OPCML: variants seen among roughly 807,000 people sequenced by gnomAD.
OPCML encodes the protein opioid-binding protein/cell adhesion molecule.
Under a neutral mutation model 37.8 loss-of-function variants are expected in OPCML, and 13 were observed. The ratio of observed to expected loss-of-function variants is 0.34; its 90% confidence interval spans 0.22 to 0.55. OPCML has a LOEUF of 0.55. Ranked by LOEUF, OPCML falls within the 20% of genes least tolerant of loss-of-function variation. The pLI, the probability that OPCML is intolerant of heterozygous loss-of-function variation, is 0.91. For synonymous variants in OPCML, 176 were observed against 168.8 expected, an observed-to-expected ratio of 1.04 and a Z score of -0.33; for missense variants, 341 against 435.6, an observed-to-expected ratio of 0.78 and a Z score of 1.93.
intron 1 of OPCML, among the ~76,000 whole-genome samples, chr11:133,239,642 G>T (rs1254129689): frequency 6.6e-6 from 1 of 152,218 alleles, no homozygotes; most frequent in East Asian, 1.9e-4. Flanking sequence ...TTGCCCACCA[G>T]GTGCAAAGCC....
chr11:133,381,879 G>A (rs1163276069), intron 1 of OPCML, among the ~76,000 whole-genome samples: 1 of 152,190 alleles, frequency 6.6e-6, no homozygotes, highest in Non-Finnish European at 1.5e-5. Context: ...AAAAGACACT[G>A]TAGTCTGGGA....
chr11:132,755,383 A>G (rs988502917), intron 2 of OPCML, among the ~76,000 whole-genome samples: 17 of 152,156 alleles, frequency 1.1e-4, no homozygotes, highest in Admixed American at 2.6e-4. Context: ...TACATCACCC[A>G]ATACTCAGCT....
At chr11:132,756,492 C>T (rs1016758649) in intron 2 of OPCML, among the ~76,000 whole-genome samples, 3 of 152,160 alleles carry the variant, frequency 2.0e-5, no homozygotes, top group Non-Finnish European at 4.4e-5. Context: ...CCATGTTGCT[C>T]CTAGGTGCGA....
At chr11:132,727,799 G>C (rs3016397) in intron 2 of OPCML, among the ~76,000 whole-genome samples, 48,179 of 152,114 alleles carry the variant, frequency 0.32, 7,784 homozygotes, top group Admixed American at 0.36. Context: ...AGGAGGATTA[G>C]TTCCCTATTC....
intron 2 of OPCML, among the ~76,000 whole-genome samples, chr11:132,712,891 C>A (rs961473234): frequency 2.6e-5 from 4 of 152,174 alleles, no homozygotes; most frequent in African/African-American, 9.7e-5. Flanking sequence ...CTTTTGCTAG[C>A]CCACGTCGGC....
At chr11:133,312,741 T>A (rs1254266776) in intron 1 of OPCML, among the ~76,000 whole-genome samples, 1 of 152,224 alleles carries the variant, frequency 6.6e-6, no homozygotes, top group African/African-American at 2.4e-5. Flanking sequence ...ATAGAGTTTT[T>A]TAAAAAGTTC....
chr11:133,333,970 G>T (rs548723483), intron 1 of OPCML, among the ~76,000 whole-genome samples: 8 of 152,172 alleles, frequency 5.3e-5, no homozygotes, highest in Non-Finnish European at 1.2e-4. Context: ...CAGAATGGCT[G>T]TTTATAATAA....
chr11:133,034,792 C>G (rs1014255591), intron 1 of OPCML, among the ~76,000 whole-genome samples: 2 of 148,682 alleles, frequency 1.3e-5, no homozygotes, highest in African/African-American at 5.0e-5. Context: ...GGAACAAGTA[C>G]TAAGCCTATA....
chr11:132,820,095 GAA>G (rs528052447), intron 2 of OPCML, among the ~76,000 whole-genome samples: 74 of 45,810 alleles, frequency 1.6e-3, no homozygotes, highest in East Asian at 7.9e-3. Flanking sequence ...ATGAATGAAT[GAA>G]TGAATGAAAG....
chr11:132,923,927 C>T (rs1380790581), intron 2 of OPCML, among the ~76,000 whole-genome samples: 1 of 151,884 alleles, frequency 6.6e-6, no homozygotes, highest in Non-Finnish European at 1.5e-5. Flanking sequence ...CTACGCCCAG[C>T]TAATTTTGTA....
At position 132,597,710 on chromosome 11, in the gene OPCML, G is replaced by T. The variant is rs185475758; in HGVS notation, c.379+59377C>A. ...AACAGGGAAGGCAGGGCTTGACCAC[G>T]GCTGATCCTCTAGAGCAGATGGCTT... On this transcript the variant is annotated intron_variant, in intron 3 of 7. Transcript: ENST00000524381. 2.6e-5 allele frequency among the ~76,000 whole-genome samples: 4 copies of T among 152,220 alleles called. No individual in the cohort carries two copies. The East Asian group carries it at 7.7e-4, about 29-fold the overall frequency.
chr11:133,068,462 C>T (rs1948474113), intron 1 of OPCML, among the ~76,000 whole-genome samples: 2 of 152,376 alleles, frequency 1.3e-5, no homozygotes, highest in South Asian at 4.1e-4. Flanking sequence ...CGCTGCCCTT[C>T]TTCCAGTACA....
intron 4 of OPCML, among the ~76,000 whole-genome samples, chr11:132,516,548 C>T (rs547635985): frequency 6.6e-6 from 1 of 152,144 alleles, no homozygotes; most frequent in Non-Finnish European, 1.5e-5. Flanking sequence ...CCCCAGGTAC[C>T]ATACCTGCTC....
chr11:132,546,448 C>G (rs766102285), intron 3 of OPCML, among the ~76,000 whole-genome samples: 1 of 152,172 alleles, frequency 6.6e-6, no homozygotes, highest in Non-Finnish European at 1.5e-5. Flanking sequence ...CCCTTTCCCC[C>G]GTGTCCCCAA....
chr11:133,014,169 C>T (rs1441921362), intron 1 of OPCML, among the ~76,000 whole-genome samples: 1 of 152,180 alleles, frequency 6.6e-6, no homozygotes, highest in African/African-American at 2.4e-5. Context: ...GAATCAAAGT[C>T]CTTTCCCATT....
chr11:133,005,036 G>T (rs966164592), intron 1 of OPCML: 1 of 985,218 alleles, frequency 1.0e-6, no homozygotes, highest in Non-Finnish European at 1.2e-6. Context: ...GGTGGCAGCC[G>T]TGAGAGCCTG....
At chr11:132,890,102 C>T (rs1565940357) in intron 2 of OPCML, among the ~76,000 whole-genome samples, 2 of 152,120 alleles carry the variant, frequency 1.3e-5, no homozygotes, top group South Asian at 2.1e-4. Context: ...TTTCTACTTG[C>T]TATGCCTTCT....
At chr11:133,350,920 T>C (rs1944122356) in intron 1 of OPCML, among the ~76,000 whole-genome samples, 1 of 152,058 alleles carries the variant, frequency 6.6e-6, no homozygotes, top group Non-Finnish European at 1.5e-5. Context: ...GCATAGAGAG[T>C]TGGACGGCAG....
At chr11:133,221,966 C>T (rs1053117295) in intron 1 of OPCML, among the ~76,000 whole-genome samples, 5 of 152,196 alleles carry the variant, frequency 3.3e-5, no homozygotes, top group African/African-American at 1.2e-4. Context: ...TCTGGGGTGA[C>T]AAAGCTGAAG....
Sources: gnomAD v4.1 joint callset for allele counts (sites outside exome capture counted in the v4.1 genomes callset) on GRCh38, gnomAD v4.1.1 for gene constraint, MANE v1.5 for transcripts, NCBI Gene and HGNC (gene_info 2026-07-23, HGNC 2026-07-21) for gene names.